FRS2: variants seen among roughly 807,000 people sequenced by gnomAD.
FRS2 encodes FGFR signalling adaptor.
In FRS2, 8 loss-of-function variants were observed where a neutral mutation model predicts 43.9. The ratio of observed to expected loss-of-function variants is 0.18; its 90% CI spans 0.11 to 0.33. FRS2 has a LOEUF of 0.33. Ranked by LOEUF, FRS2 falls within the 10% of genes least tolerant of loss-of-function variation. The pLI is 1.00. For synonymous variants in FRS2, 219 were observed against 220.3 expected, an observed-to-expected ratio of 0.99 and a Z score of 0.05; for missense variants, 534 against 627.6, an observed-to-expected ratio of 0.85 and a Z score of 1.59.
chr12:69,538,025 G>C (rs1877475686), intron 3 of FRS2: 3 of 152,274 alleles, frequency 2.0e-5, no homozygotes, highest in Non-Finnish European at 4.4e-5. Flanking sequence ...TGGATTTTGG[G>C]ATTTGCAACT....
chr12:69,515,442 C>T (rs928340756), intron 1 of FRS2, among the ~76,000 whole-genome samples: 2 of 152,110 alleles, frequency 1.3e-5, no homozygotes, highest in African/African-American at 4.8e-5. Context: ...TGATAAAATG[C>T]TTTGTTTCTG....
In FRS2 at chr12:69,497,153, T is replaced by C. The variant is rs552879309; in HGVS notation, c.-261+26623T>C. Among the ~76,000 whole-genome samples the C allele has an allele frequency of 4.6e-5, 7 of 152,320 alleles. No homozygotes were observed. The East Asian group carries it at 7.7e-4, about 17-fold the overall frequency. ...AGTGAGCAAAGCAAAGTTCCTGCAC[T>C]CATGTAGCCTACAGGCCGGTGTTTA... On this transcript the variant is annotated intron_variant, in intron 1 of 8. Coordinates refer to ENST00000549921, the MANE Select transcript of FRS2 (RefSeq NM_001278356.2).
At chr12:69,471,813 G>T (rs1036630539) in intron 1 of FRS2, among the ~76,000 whole-genome samples, 3 of 152,234 alleles carry the variant, frequency 2.0e-5, no homozygotes, top group Non-Finnish European at 2.9e-5. Flanking sequence ...GACGCTATCT[G>T]CAACTCTCAT....
chr12:69,501,949 CTGTTTTTTTTGTTT>C (rs138142526), intron 1 of FRS2, among the ~76,000 whole-genome samples: 12,650 of 151,842 alleles, frequency 0.083, 1,091 homozygotes, highest in East Asian at 0.37. Context: ...AAACACCTAT[CTGTTTTTTTTGTTT>C]TGTTTTTTTT....
Position 69,543,075 on chromosome 12 carries a change from C to G in FRS2, c.-122+11019C>G, listed in dbSNP as rs149896613. Among the ~76,000 whole-genome samples, 7 of 152,284 alleles carry G rather than the reference C, an allele frequency of 4.6e-5. No individual in the cohort carries two copies. In the South Asian group the frequency reaches 8.3e-4, roughly 18 times the overall value. ...CCTCAGTCTTATGAGTATACTTGCT[C>G]ACATTGATAACAACATGGTAGCATT... On this transcript the variant is annotated intron_variant, in intron 3 of 8. Coordinates refer to ENST00000549921, the MANE Select transcript of FRS2 (RefSeq NM_001278356.2).
intron 1 of FRS2, among the ~76,000 whole-genome samples, chr12:69,482,348 T>C (rs1211375331): frequency 2.0e-5 from 3 of 152,250 alleles, no homozygotes; most frequent in Non-Finnish European, 4.4e-5. Flanking sequence ...TAAGGTAAAC[T>C]TTTACATTGA....
chr12:69,558,023 A>T (rs556368919), intron 3 of FRS2, among the ~76,000 whole-genome samples: 2 of 152,192 alleles, frequency 1.3e-5, no homozygotes, highest in Non-Finnish European at 2.9e-5. Context: ...CAAACAAATG[A>T]ATCTCTATAT....
chr12:69,505,300 T>G (rs781636663), intron 1 of FRS2, among the ~76,000 whole-genome samples: 38 of 152,264 alleles, frequency 2.5e-4, no homozygotes, highest in Non-Finnish European at 5.4e-4. Flanking sequence ...GGAATATAGT[T>G]CTGTGGAACA....
intron 3 of FRS2, among the ~76,000 whole-genome samples, chr12:69,542,173 C>G (rs994693548): frequency 1.3e-5 from 2 of 152,096 alleles, no homozygotes; most frequent in African/African-American, 4.8e-5. Context: ...CTTAGTATAA[C>G]AAACATATTA....
In FRS2 at chr12:69,576,605, T is replaced by C. The variant is rs1881209851; in HGVS notation, c.*1650T>C. On this transcript the variant is annotated 3_prime_UTR_variant, in exon 9 of 9. Transcript: ENST00000549921. ...TTAGCATGAAAAAGTTTTAGTCATATTGGCATCCAACCTATTCAGTAACCG... is the reference window on the plus strand; with the variant it reads ...TTAGCATGAAAAAGTTTTAGTCATACTGGCATCCAACCTATTCAGTAACCG... The C allele has an allele frequency of 6.6e-6, 1 of 152,252 alleles. No homozygotes were observed. The highest frequency in any genetic ancestry group is 6.5e-5 in the Admixed American group (1 of 15,282). The allele number at this position is 152,252 out of a possible 1,614,324, so 9.4% of individuals were successfully genotyped here. A position where few individuals can be genotyped will look rare whatever the true frequency, so the allele number is the denominator to read the frequency against.
chr12:69,541,318 G>A (rs80008464), intron 3 of FRS2, among the ~76,000 whole-genome samples: 77 of 152,204 alleles, frequency 5.1e-4, no homozygotes, highest in Non-Finnish European at 9.3e-4. Flanking sequence ...GTAGAAAGTT[G>A]TGTTTATTAA....
At chr12:69,528,909 G>A (rs748815543) in intron 1 of FRS2, among the ~76,000 whole-genome samples, 1 of 152,196 alleles carries the variant, frequency 6.6e-6, no homozygotes, top group African/African-American at 2.4e-5. Flanking sequence ...CTGAGATCCT[G>A]AAGTGAGAAG....
rs61929267 is a variant in FRS2 at position 69,526,303 on chromosome 12, T to C, written c.-260-4562T>C. Among the ~76,000 whole-genome samples, 564 of 152,364 alleles carry C rather than the reference T, an allele frequency of 3.7e-3. 1 individual carries two copies. Among genetic ancestry groups the C allele is most frequent in the Non-Finnish European group, 6.0e-3 (407 of 68,040 alleles). Reference sequence around the variant, plus strand: ...TTCCAACTAACTTAGGACATTAGTATAATAAGGCTACATTTCCTGGGTAAT... The same window carrying C: ...TTCCAACTAACTTAGGACATTAGTACAATAAGGCTACATTTCCTGGGTAAT... On this transcript the variant is annotated intron_variant, in intron 1 of 8. Transcript: ENST00000549921.
At chr12:69,473,963 T>C (rs1870535993) in intron 1 of FRS2, among the ~76,000 whole-genome samples, 1 of 152,118 alleles carries the variant, frequency 6.6e-6, no homozygotes, top group African/African-American at 2.4e-5. Flanking sequence ...CTGCTTCATC[T>C]TCCCGAATAG....
chr12:69,472,539 A>G lies in FRS2; in HGVS notation c.-261+2009A>G, dbSNP rs184404734. Among the ~76,000 whole-genome samples the G allele has an allele frequency of 3.3e-5, 5 of 152,368 alleles. No homozygotes were observed. The East Asian group carries it at 9.6e-4, about 29-fold the overall frequency. On this transcript the variant is annotated intron_variant, in intron 1 of 8. Coordinates refer to ENST00000549921, the MANE Select transcript of FRS2 (RefSeq NM_001278356.2). ...TAGATGTAGTTACAGATTTGCAGGT[A>G]TGACAATGTATTTTTAAGGGAAATA...
chr12:69,477,934 G>A (rs1470476819), intron 1 of FRS2, among the ~76,000 whole-genome samples: 1 of 150,910 alleles, frequency 6.6e-6, no homozygotes, highest in African/African-American at 2.4e-5. Context: ...GTAGAGACGG[G>A]GTTTCACCAT....
At chr12:69,558,115 T>C (rs1000230360) in intron 3 of FRS2, among the ~76,000 whole-genome samples, 1 of 151,942 alleles carries the variant, frequency 6.6e-6, no homozygotes, top group Admixed American at 6.6e-5. Context: ...AGATATGGGG[T>C]TAAAGTGTGT....
At chr12:69,474,710 A>G (rs1202320777) in intron 1 of FRS2, among the ~76,000 whole-genome samples, 1 of 152,200 alleles carries the variant, frequency 6.6e-6, no homozygotes, top group Non-Finnish European at 1.5e-5. Flanking sequence ...GTTACTTAAA[A>G]GCTATGTTAG....
At chr12:69,515,504 A>G (rs1874903475) in intron 1 of FRS2, among the ~76,000 whole-genome samples, 1 of 152,136 alleles carries the variant, frequency 6.6e-6, no homozygotes, top group African/African-American at 2.4e-5. Flanking sequence ...GGCTGACATA[A>G]AAGGAGAGGG....
Sources: gnomAD v4.1 joint callset for allele counts (sites outside exome capture counted in the v4.1 genomes callset) on GRCh38, gnomAD v4.1.1 for gene constraint, MANE v1.5 for transcripts, NCBI Gene and HGNC (gene_info 2026-07-23, HGNC 2026-07-21) for gene names.